Variants in TRMT1 observed in about 807,000 individuals in gnomAD.
TRMT1 encodes tRNA methyltransferase 1.
A neutral mutation model predicts 75.4 loss-of-function variants in TRMT1; 63 were observed. The observed-to-expected ratio is 0.84, with a 90% confidence interval of 0.68 to 1.03. TRMT1 has a LOEUF of 1.03. Among genes scored for constraint, TRMT1 ranks in the 50% least tolerant of loss-of-function variants. TRMT1 has a pLI of 0.00. For missense variants in TRMT1, 870 were observed against 905.3 expected (o/e 0.96, Z 0.50); for synonymous variants, 382 against 358.1 (o/e 1.07, Z -0.75).
In TRMT1 at chr19:13,110,209, C is replaced by T. The variant is rs1462452687; in HGVS notation, c.968G>A (p.Arg323His). 5.0e-6 allele frequency: 8 copies of T among 1,612,640 alleles called. No homozygotes were observed. The highest frequency in any genetic ancestry group is 1.7e-5 in the Admixed American group (1 of 60,002). Reference protein sequence around the residue: ...LLSISADFYVRVFVRVFTGQA... With the variant: ...LLSISADFYVHVFVRVFTGQA... Reference sequence around the variant, plus strand: ...GCCGGTGAAGACACGGACAAAAACACGCACGTAGAAGTCAGCGCTGATGCT... The same window carrying T: ...GCCGGTGAAGACACGGACAAAAACATGCACGTAGAAGTCAGCGCTGATGCT... Residue 323 changes from arginine to histidine, a missense_variant, in exon 8 of 17, where the codon CGT (arginine) becomes CAT (histidine). Coordinates refer to ENST00000357720, the MANE Select transcript of TRMT1 (RefSeq NM_001136035.4).
intron 9 of TRMT1, 23 bp downstream of exon 9, chr19:13,109,889 CCTT>C: frequency 2.5e-6 from 4 of 1,613,904 alleles, no homozygotes; most frequent in South Asian, 1.1e-5. Flanking sequence ...CTGGGACTCC[CCTT>C]CTTCTCCTTC....
Position 13,116,027 on chromosome 19 carries a change from G to A in TRMT1, c.280C>T (p.Arg94Cys), listed in dbSNP as rs780025913. 4 of 1,613,946 alleles carry A rather than the reference G, an allele frequency of 2.5e-6. No individual in the cohort carries two copies. The South Asian group carries it at 3.3e-5, about 13-fold the overall frequency. ...LTCAVITEFA[R>C]IQLGAKGIQI... ...ATTCCTTTGGCCCCAAGCTGAATGC[G>A]AGCAAACTCGGTGATCACAGCACAT... Residue 94 changes from arginine (R) to cysteine (C), a missense_variant, in exon 3 of 17, where the codon CGC becomes TGC. Physicochemically the swap from Arg to Cys is radical, Grantham distance 180 (BLOSUM62 -3). Coordinates refer to ENST00000357720, the MANE Select transcript of TRMT1 (RefSeq NM_001136035.4).
Position 13,110,253 on chromosome 19 carries a change from G to T in TRMT1, c.924C>A (p.Arg308=), listed in dbSNP as rs1283788218. The T allele has an allele frequency of 6.2e-7, 1 of 1,608,468 alleles. No homozygotes were observed. Among genetic ancestry groups the T allele is most frequent in the Non-Finnish European group, 8.5e-7 (1 of 1,177,384 alleles). Residue 308 remains arginine (R), a synonymous_variant, in exon 8 of 17, where the codon CGC becomes CGA. Coordinates refer to ENST00000357720, the MANE Select transcript of TRMT1 (RefSeq NM_001136035.4). Reference sequence around the variant, plus strand: ...TGATGCTGAGCAGCGGCACCACGAAGCGCTGGTAGCAGTTGGCGCGGAGGT... The same window carrying T: ...TGATGCTGAGCAGCGGCACCACGAATCGCTGGTAGCAGTTGGCGCGGAGGT... ...SLDLRANCYQ[R]FVVPLLSISA... is the part of the protein sequence containing the mutation.
At chr19:13,110,398 C>T (rs1212038533) in intron 7 of TRMT1, 92 bp from the exon 8 acceptor site, 8 of 1,410,766 alleles carry the variant, frequency 5.7e-6, no homozygotes, top group East Asian at 2.5e-5. Flanking sequence ...AGGCTCAGGG[C>T]CAGCTCCCTG....
chr19:13,115,656 A>C lies in TRMT1; in HGVS notation c.423T>G (p.Pro141=). The C allele has an allele frequency of 6.2e-7, 1 of 1,613,844 alleles. No homozygotes were observed. The highest frequency in any genetic ancestry group is 8.5e-7 in the Non-Finnish European group (1 of 1,179,996). Residue 141 remains proline (P), a synonymous_variant, in exon 4 of 17, where the codon CCT becomes CCG. Coordinates refer to ENST00000357720, the MANE Select transcript of TRMT1 (RefSeq NM_001136035.4). Reference sequence around the variant, plus strand: ...AGATCTCCCCCACGGCCGCTGTGCGAGGTTGGTCTCCTGAGGCCAGGTTTT... The same window carrying C: ...AGATCTCCCCCACGGCCGCTGTGCGCGGTTGGTCTCCTGAGGCCAGGTTTT... ...ESENLASGDQ[P]RTAAVGEICE... is the part of the protein sequence containing the mutation.
In TRMT1 at chr19:13,104,986, G is replaced by T; in HGVS notation, c.1929C>A (p.Ser643=). The T allele has an allele frequency of 6.2e-7, 1 of 1,613,838 alleles. No homozygotes were observed. Among genetic ancestry groups the T allele is most frequent in the East Asian group, 2.2e-5 (1 of 44,886 alleles). The change falls in exon 17 of 17, where the codon TCC becomes TCA. Residue 643 remains serine, a synonymous_variant. Transcript: ENST00000357720. The part of the protein sequence containing the change: ...ADAAPDCPET[S]NQTPPGPGAA... ...CCCCAGGTCCAGGGGGGGTCTGGTT[G>T]GAGGTCTCTGGACAGTCAGGGGCAG...
chr19:13,111,699 A>AT (rs552128343), intron 7 of TRMT1, among the ~76,000 whole-genome samples: 6,641 of 131,250 alleles, frequency 0.051, 165 homozygotes, highest in Non-Finnish European at 0.064. Context: ...CGCCCGGCCT[A>AT]TTTTTTTTTC....
At chr19:13,113,607 ATTT>A (rs144089403) in intron 5 of TRMT1, among the ~76,000 whole-genome samples, 21 of 148,954 alleles carry the variant, frequency 1.4e-4, no homozygotes, top group Admixed American at 1.4e-3. Context: ...GTATTAACAC[ATTT>A]TTTTTTTCCT....
intron 5 of TRMT1, among the ~76,000 whole-genome samples, chr19:13,113,607 A>AT (rs144089403): frequency 0.16 from 23,385 of 148,984 alleles, 2,275 homozygotes; most frequent in South Asian, 0.3. Flanking sequence ...GTATTAACAC[A>AT]TTTTTTTTTT....
intron 14 of TRMT1, among the ~76,000 whole-genome samples, chr19:13,106,180 C>T (rs995411871): frequency 1.2e-4 from 18 of 151,844 alleles, no homozygotes; most frequent in Admixed American, 9.8e-4. Flanking sequence ...CTCCTGCCTC[C>T]GCCTCAAGCT....
chr19:13,106,200 C>T (rs1446351998), intron 14 of TRMT1, among the ~76,000 whole-genome samples: 1 of 152,010 alleles, frequency 6.6e-6, no homozygotes, highest in Non-Finnish European at 1.5e-5. Context: ...TCCTGAGTAG[C>T]TGGGACGACA....
At position 13,105,296 on chromosome 19, in the gene TRMT1, T is replaced by C. The variant is rs759207662; in HGVS notation, c.1804A>G (p.Lys602Glu). Residue 602 changes from lysine (K) to glutamate (E), a missense_variant, in exon 16 of 17, where the codon AAG (lysine) becomes GAG (glutamate). Coordinates refer to ENST00000357720, the MANE Select transcript of TRMT1 (RefSeq NM_001136035.4). ...TTAAACCTCTTGCAAGGAAATGTCTTGAGCCGGGCAGCCCGCTGGGCCACA... is the reference window on the plus strand; with the variant it reads ...TTAAACCTCTTGCAAGGAAATGTCTCGAGCCGGGCAGCCCGCTGGGCCACA... ...EDVAQRAARL[K>E]TFPCKRFKEG... is the part of the protein sequence containing the mutation. 1.9e-6 allele frequency: 3 copies of C among 1,613,858 alleles called. No individual in the cohort carries two copies. Among genetic ancestry groups the C allele is most frequent in the Non-Finnish European group, 2.5e-6 (3 of 1,180,004 alleles).
intron 12 of TRMT1, among the ~76,000 whole-genome samples, chr19:13,108,808 C>CGT (rs2018996372): frequency 1.3e-5 from 2 of 151,756 alleles, no homozygotes; most frequent in Non-Finnish European, 2.9e-5. Context: ...CAGGGTTTAA[C>CGT]CATTTTGACC....
intron 5 of TRMT1, among the ~76,000 whole-genome samples, chr19:13,114,295 G>A (rs1428056815): frequency 2.0e-5 from 3 of 152,226 alleles, no homozygotes; most frequent in South Asian, 2.1e-4. Context: ...GCCGAGGTGG[G>A]CAGATCACTT....
At chr19:13,111,134 C>G (rs1208468151) in intron 7 of TRMT1, among the ~76,000 whole-genome samples, 1 of 152,102 alleles carries the variant, frequency 6.6e-6, no homozygotes, top group Non-Finnish European at 1.5e-5. Flanking sequence ...ACTTTGAACT[C>G]CTAGGCTCAA....
intron 5 of TRMT1, among the ~76,000 whole-genome samples, chr19:13,114,664 A>T (rs1168887483): frequency 3.4e-5 from 5 of 148,666 alleles, no homozygotes; most frequent in South Asian, 2.1e-4. Context: ...TCCGTGTCAA[A>T]AAATAAATAA....
rs750961127 is a variant in TRMT1 at position 13,107,586 on chromosome 19, C to A, written c.1571G>T (p.Ser524Ile). ...TGCTTGCCCCTACCTGGGCTCCACA[C>A]TGAGAATGCGGAACGCTGGGCTAGT... ...SETSPAFRIL[S>I]VEPRLQANFT... Residue 524 changes from serine to isoleucine, a missense_variant, in exon 14 of 17, where the codon AGT (serine) becomes ATT (isoleucine). Ser to Ile is a moderately radical substitution (Grantham distance 142, BLOSUM62 -2). Transcript: ENST00000357720. The A allele has an allele frequency of 2.5e-6, 4 of 1,605,216 alleles. No individual in the cohort carries two copies. The South Asian group carries it at 4.5e-5, about 18-fold the overall frequency.
chr19:13,115,234 C>T (rs1371311224), intron 5 of TRMT1, 45 bp downstream of exon 5: 1 of 1,557,484 alleles, frequency 6.4e-7, no homozygotes, highest in Admixed American at 1.9e-5. Context: ...AATTTGACCC[C>T]AGGCAGGCTT....
At chr19:13,105,954 C>A (rs141733934) in intron 14 of TRMT1, among the ~76,000 whole-genome samples, 5 of 152,024 alleles carry the variant, frequency 3.3e-5, no homozygotes, top group African/African-American at 1.2e-4. Flanking sequence ...ACCAGCTACT[C>A]GGGACGCTGA....
Sources: allele counts gnomAD v4.1 joint callset (sites outside exome capture counted in the v4.1 genomes callset), GRCh38; gene constraint gnomAD v4.1.1; transcripts MANE v1.5; gene names NCBI Gene and HGNC (gene_info 2026-07-23, HGNC 2026-07-21).